The following MCF2L variants were observed in gnomAD, a reference collection of about 807,000 sequenced individuals.
MCF2L encodes guanine nucleotide exchange factor DBS.
A neutral mutation model predicts 153.4 loss-of-function variants in MCF2L; 97 were observed. The ratio of observed to expected loss-of-function variants is 0.63; its 90% CI spans 0.54 to 0.75. The LOEUF is 0.75. Among genes scored for constraint, MCF2L ranks in the 30% least tolerant of loss-of-function variants. The pLI is 0.00. For missense variants in MCF2L, 1,347 were observed against 1,495.2 expected (o/e 0.90, Z 1.64); for synonymous variants, 659 against 632.2 (o/e 1.04, Z -0.64).
At position 112,943,351 on chromosome 13, in the gene MCF2L, C is replaced by T. The variant is rs1325853217; in HGVS notation, c.169+40980C>T. ...AGCTCTAGGGCCCCCGGCCGCAGAGCCCAGGCGCGGGGAGGGCGGCGGCTC... is the reference window on the plus strand; with the variant it reads ...AGCTCTAGGGCCCCCGGCCGCAGAGTCCAGGCGCGGGGAGGGCGGCGGCTC... On this transcript the variant is annotated intron_variant, in intron 2 of 29. Coordinates refer to the MCF2L transcript ENST00000375608. The surrounding 1 kb of genome is among the most constrained non-coding windows in gnomAD (Gnocchi z 4.2). Among the ~76,000 whole-genome samples, 1 of 152,102 alleles carries T rather than the reference C, an allele frequency of 6.6e-6. No homozygotes were observed. The highest frequency in any genetic ancestry group is 1.5e-5 in the Non-Finnish European group (1 of 67,982).
chr13:113,095,427 C>T lies in MCF2L; in HGVS notation c.3075+792C>T, dbSNP rs74644104. The T allele has an allele frequency of 1.1e-3, 1,209 of 1,082,208 alleles. 13 individuals carry two copies. In the African/African-American group the frequency reaches 0.018, roughly 16 times the overall value. 67.0% of individuals were successfully genotyped at this position (1,082,208 alleles called of 1,614,324 possible). On this transcript the variant is annotated intron_variant, in intron 27 of 29. Transcript: ENST00000535094. The stretch of plus-strand genomic sequence containing the variant: ...ATGTGGGGGACACAGAGGCGGAGGC[C>T]ACGTGGCAGGAGGGGAAACAGGCTG...
At chr13:112,962,620 A>G (rs2081845493) in intron 2 of MCF2L, among the ~76,000 whole-genome samples, 1 of 152,126 alleles carries the variant, frequency 6.6e-6, no homozygotes, top group South Asian at 2.1e-4. Flanking sequence ...CCTCTCCTTC[A>G]GCTTAGGGCT....
chr13:112,934,632 C>T (rs2081497044), intron 2 of MCF2L, among the ~76,000 whole-genome samples: 1 of 134,636 alleles, frequency 7.4e-6, no homozygotes, highest in Non-Finnish European at 1.6e-5. Flanking sequence ...AAGTCTGTCT[C>T]TGGCTGTGCT....
chr13:113,075,750 CCCCTTGGGATTGGCCTTGTCCAGCACTG>C, intron 11 of MCF2L, among the ~76,000 whole-genome samples, 188 bp from the exon 12 acceptor site: 1 of 88,372 alleles, frequency 1.1e-5, no homozygotes, highest in Non-Finnish European at 2.6e-5. Context: ...AGCACTGTGT[CCCCTTGGGATTGGCCTTGTCCAGCACTG>C]TGTCCCCTTG....
chr13:113,071,412 G>A (rs566927687), intron 9 of MCF2L, among the ~76,000 whole-genome samples: 2 of 152,096 alleles, frequency 1.3e-5, no homozygotes, highest in South Asian at 2.1e-4. Flanking sequence ...TAATTTTGAC[G>A]AACTCCAATT....
chr13:113,023,725 A>G (rs753745987), intron 2 of MCF2L, among the ~76,000 whole-genome samples: 1 of 152,036 alleles, frequency 6.6e-6, no homozygotes, highest in African/African-American at 2.4e-5. Flanking sequence ...GTGGTTCTTC[A>G]CTCCACGCAC....
rs887558788 is a variant in MCF2L, at chr13:112,941,350, G to T, written c.169+38979G>T. ...TTATATATTATATATAATTCAAATA[G>T]AAATTATATCAAAATATATATATTT... On this transcript the variant is annotated intron_variant, in intron 2 of 29. Coordinates refer to the MCF2L transcript ENST00000375608. This position sits in a 1 kb window ranked among gnomAD's most constrained non-coding sequence, Gnocchi z 4.9. 1.3e-5 allele frequency among the ~76,000 whole-genome samples: 2 copies of T among 148,372 alleles called. No homozygotes were observed. Among genetic ancestry groups the T allele is most frequent in the East Asian group, 3.9e-4 (2 of 5,134 alleles).
intron 1 of MCF2L, among the ~76,000 whole-genome samples, chr13:112,991,528 TG>T (rs1181140235): frequency 6.6e-6 from 1 of 152,212 alleles, no homozygotes; most frequent in Admixed American, 6.5e-5. Context: ...ATTTTTAAAG[TG>T]TGACTTCATT....
At position 113,088,403 on chromosome 13, in the gene MCF2L, G is replaced by A; in HGVS notation, c.2765G>A (p.Arg922Lys). The stretch of plus-strand genomic sequence containing the variant: ...CTGACCAGCCAGCTGCAGGCTTGTA[G>A]AGGTGAGGCTGTCTTCAAGCGATCG... ...KVLTSQLQAC[R>K]EASQHRALEQ... The change falls in exon 24 of 30, where the codon AGA becomes AAA. Residue 922 changes from arginine to lysine, a missense_variant and splice_region_variant. Physicochemically the swap from Arg to Lys is conservative, Grantham distance 26. This residue lies in a region of MCF2L where 383 missense variants were observed against 335.4 expected (regional missense o/e 1.14). Coordinates refer to ENST00000535094, the MANE Select transcript of MCF2L (RefSeq NM_001112732.3). The A allele has an allele frequency of 6.2e-7, 1 of 1,613,970 alleles. No individual in the cohort carries two copies. Among genetic ancestry groups the A allele is most frequent in the Non-Finnish European group, 8.5e-7 (1 of 1,180,008 alleles).
intron 12 of MCF2L, 117 bp from the exon 13 acceptor site, chr13:113,076,935 C>T (rs2033551042): frequency 2.7e-6 from 3 of 1,106,686 alleles, no homozygotes; most frequent in South Asian, 1.6e-5. Flanking sequence ...ACAGACCCCG[C>T]ATGGAGAACA....
intron 2 of MCF2L, among the ~76,000 whole-genome samples, chr13:112,916,498 A>G (rs1471193714): frequency 6.6e-6 from 1 of 152,092 alleles, no homozygotes; most frequent in Non-Finnish European, 1.5e-5. Flanking sequence ...CGCGTGCCTC[A>G]CCTGTGAGGT....
chr13:113,060,482 C>G, intron 4 of MCF2L, 111 bp from the exon 5 acceptor site: 1 of 1,326,038 alleles, frequency 7.5e-7, no homozygotes, highest in African/African-American at 1.4e-5. Flanking sequence ...GTTGAGGATG[C>G]CTGGCCGCTA....
chr13:113,070,234 C>A lies in MCF2L; in HGVS notation c.996+61C>A. On this transcript the variant is annotated intron_variant, in intron 9 of 29. Coordinates refer to ENST00000535094, the MANE Select transcript of MCF2L (RefSeq NM_001112732.3). This position sits in a 1 kb window ranked among gnomAD's most constrained non-coding sequence, Gnocchi z 5.6. ...ATGCTCACGGGGCCTCCTGTGCCTGCGCCCTGGTCCCAGTGCCGGGAGCTG... is the reference window on the plus strand; with the variant it reads ...ATGCTCACGGGGCCTCCTGTGCCTGAGCCCTGGTCCCAGTGCCGGGAGCTG... 2.5e-6 allele frequency: 3 copies of A among 1,181,518 alleles called. No individual in the cohort carries two copies. Among genetic ancestry groups the A allele is most frequent in the Non-Finnish European group, 3.5e-6 (3 of 857,214 alleles). The allele number at this position is 1,181,518 out of a possible 1,614,324, so 73.2% of individuals were successfully genotyped here. A position where few individuals can be genotyped will look rare whatever the true frequency, so the allele number is the denominator to read the frequency against.
intron 2 of MCF2L, among the ~76,000 whole-genome samples, chr13:112,952,253 C>G (rs2081702286): frequency 6.6e-6 from 1 of 152,182 alleles, no homozygotes. Context: ...GCTTCGGGCT[C>G]CCTCCTGCTC....
Position 113,084,707 on chromosome 13 carries a change from G to A in MCF2L, c.2062-185G>A, listed in dbSNP as rs182020688. The A allele has an allele frequency of 3.4e-4, 204 of 603,362 alleles. No homozygotes were observed. In the East Asian group the frequency reaches 5.5e-3, roughly 16 times the overall value. 37.4% of individuals were successfully genotyped at this position (603,362 alleles called of 1,614,324 possible). On this transcript the variant is annotated intron_variant, in intron 18 of 29. Transcript: ENST00000535094. ...CCATTAATGGAGGGCAGGCCCCCCA[G>A]CGGAGCCTGGGAGCCAGTGCCGGCC...
rs1202605744 is a variant in MCF2L at position 113,028,534 on chromosome 13, G to A, written c.278+3776G>A. ...GCACAGCCTGGTCTGGCTGAAGGTG[G>A]CCGGAGCGCAGGCCCAGTCCCCGCT... is the stretch of plus-strand genomic sequence containing the variant. On this transcript the variant is annotated intron_variant, in intron 3 of 29. Coordinates refer to ENST00000535094, the MANE Select transcript of MCF2L (RefSeq NM_001112732.3). The surrounding 1 kb of genome is among the most constrained non-coding windows in gnomAD (Gnocchi z 5.4). 6.6e-6 allele frequency among the ~76,000 whole-genome samples: 1 copy of A among 152,234 alleles called. No homozygotes were observed. Among genetic ancestry groups the A allele is most frequent in the Non-Finnish European group, 1.5e-5 (1 of 68,046 alleles).
intron 4 of MCF2L, among the ~76,000 whole-genome samples, chr13:113,058,665 G>A (rs1278994492): frequency 2.7e-5 from 4 of 146,552 alleles, no homozygotes; most frequent in African/African-American, 1.0e-4. Flanking sequence ...CACTGAGTGG[G>A]CGCTGTGTGT....
chr13:113,095,570 G>A (rs1177073482), intron 27 of MCF2L: 12 of 1,000,322 alleles, frequency 1.2e-5, no homozygotes, highest in African/African-American at 8.7e-5. Context: ...AGGCCATCAC[G>A]TGAGGGCAGG....
intron 3 of MCF2L, among the ~76,000 whole-genome samples, chr13:113,037,345 A>G (rs2086217926): frequency 6.6e-6 from 1 of 152,196 alleles, no homozygotes; most frequent in Admixed American, 6.5e-5. Context: ...GAAGCAGGGA[A>G]TTGTAACCAA....
Sources: allele counts gnomAD v4.1 joint callset (sites outside exome capture counted in the v4.1 genomes callset), GRCh38; gene constraint gnomAD v4.1.1; regional missense constraint gnomAD v4.1.1; non-coding constraint Gnocchi (gnomAD v3.1); transcripts MANE v1.5; gene names NCBI Gene and HGNC (gene_info 2026-07-23, HGNC 2026-07-21).